Variants in GABRG3 observed in about 807,000 individuals in gnomAD.
GABRG3 encodes the protein gamma-aminobutyric acid receptor subunit gamma-3.
GABRG3 carries 25 observed loss-of-function variants against 48.8 expected under a neutral mutation model. The observed-to-expected ratio is 0.51, with a 90% CI of 0.37 to 0.72. The LOEUF is 0.72. GABRG3 is among the 30% of genes least tolerant of loss of function. The pLI is 0.00. For missense variants in GABRG3, 394 were observed against 577.9 expected, an observed-to-expected ratio of 0.68 and a Z score of 3.26; for synonymous variants, 227 against 217.6, an observed-to-expected ratio of 1.04 and a Z score of -0.38.
intron 5 of GABRG3, among the ~76,000 whole-genome samples, chr15:27,353,748 G>A (rs1244793268): frequency 2.0e-5 from 3 of 152,126 alleles, no homozygotes; most frequent in African/African-American, 4.8e-5. Context: ...CAGCCAGTAT[G>A]TGCGTAGTTT....
At chr15:27,417,871 C>T (rs1039783266) in intron 5 of GABRG3, among the ~76,000 whole-genome samples, 3 of 152,236 alleles carry the variant, frequency 2.0e-5, no homozygotes, top group Non-Finnish European at 4.4e-5. Context: ...AAAGCCATCT[C>T]TCCATCTCCT....
intron 3 of GABRG3, among the ~76,000 whole-genome samples, chr15:27,141,802 G>T (rs1361312044): frequency 3.3e-5 from 5 of 152,204 alleles, no homozygotes; most frequent in African/African-American, 1.2e-4. Flanking sequence ...GGACTACAGA[G>T]GAATTAGTCT....
chr15:27,126,716 G>A (rs1487296201), intron 3 of GABRG3, among the ~76,000 whole-genome samples: 1 of 152,226 alleles, frequency 6.6e-6, no homozygotes, highest in Admixed American at 6.5e-5. Flanking sequence ...CAATAATGCT[G>A]TTGTTTGAGG....
chr15:27,040,430 T>C (rs1399826965), intron 3 of GABRG3, among the ~76,000 whole-genome samples: 5 of 152,042 alleles, frequency 3.3e-5, no homozygotes, highest in African/African-American at 1.2e-4. Flanking sequence ...TTGGATGGGG[T>C]GGGGAAATAC....
chr15:27,488,740 T>C (rs1432927589), intron 6 of GABRG3, among the ~76,000 whole-genome samples: 1 of 152,210 alleles, frequency 6.6e-6, no homozygotes, highest in African/African-American at 2.4e-5. Context: ...AATATTTAGT[T>C]GTCATCTTAG....
chr15:27,521,492 T>C (rs1272280739), intron 7 of GABRG3, among the ~76,000 whole-genome samples: 1 of 152,026 alleles, frequency 6.6e-6, no homozygotes, highest in Non-Finnish European at 1.5e-5. Context: ...TATTAGACAT[T>C]CTAAGATGTA....
At chr15:27,309,200 CAT>C (rs992509909) in intron 3 of GABRG3, among the ~76,000 whole-genome samples, 35 of 133,130 alleles carry the variant, frequency 2.6e-4, no homozygotes, top group African/African-American at 7.1e-4. Context: ...ATAATGTAAA[CAT>C]AGATGTTTGT....
chr15:27,108,447 T>C (rs1009014456), intron 3 of GABRG3, among the ~76,000 whole-genome samples: 2 of 152,168 alleles, frequency 1.3e-5, no homozygotes, highest in Non-Finnish European at 2.9e-5. Context: ...TGTTAAGATG[T>C]ACATTATGGT....
intron 3 of GABRG3, among the ~76,000 whole-genome samples, chr15:27,249,592 C>T (rs1039880110): frequency 6.6e-6 from 1 of 152,192 alleles, no homozygotes; most frequent in Non-Finnish European, 1.5e-5. Flanking sequence ...GTTTTCTTGG[C>T]CCCTGGTTGA....
intron 3 of GABRG3, among the ~76,000 whole-genome samples, chr15:27,171,275 A>C (rs1228346783): frequency 6.6e-6 from 1 of 152,198 alleles, no homozygotes; most frequent in Non-Finnish European, 1.5e-5. Context: ...GAATATCTGC[A>C]TCAAATTTTT....
intron 3 of GABRG3, among the ~76,000 whole-genome samples, chr15:27,307,804 C>T (rs1486345532): frequency 9.2e-6 from 1 of 108,660 alleles, no homozygotes; most frequent in African/African-American, 4.2e-5. Flanking sequence ...ATAAAATAAA[C>T]ATAAACATAT....
chr15:27,156,933 C>T (rs1645149087), intron 3 of GABRG3, among the ~76,000 whole-genome samples: 1 of 152,186 alleles, frequency 6.6e-6, no homozygotes, highest in South Asian at 2.1e-4. Flanking sequence ...CAAGTCATTT[C>T]TTCCCATCAT....
intron 5 of GABRG3, among the ~76,000 whole-genome samples, chr15:27,376,715 T>G (rs1895608675): frequency 6.6e-6 from 1 of 152,114 alleles, no homozygotes; most frequent in South Asian, 2.1e-4. Context: ...CACAGGGACC[T>G]TGAGCACAGC....
intron 5 of GABRG3, among the ~76,000 whole-genome samples, chr15:27,367,867 A>G (rs1403402797): frequency 6.6e-6 from 1 of 152,190 alleles, no homozygotes; most frequent in African/African-American, 2.4e-5. Context: ...GAGAAGACAA[A>G]TTGGACCACT....
chr15:27,442,347 G>A (rs1468226495), intron 5 of GABRG3, among the ~76,000 whole-genome samples: 1 of 152,252 alleles, frequency 6.6e-6, no homozygotes, highest in East Asian at 1.9e-4. Flanking sequence ...CACAGCCTCA[G>A]GAAGATGGGC....
intron 5 of GABRG3, among the ~76,000 whole-genome samples, chr15:27,351,708 G>T (rs868066972): frequency 6.1e-5 from 9 of 148,688 alleles, no homozygotes; most frequent in Non-Finnish European, 4.5e-5. Context: ...TGTGTATGGG[G>T]TATTTGTGTG....
chr15:27,516,915 GT>G (rs1329403855), intron 6 of GABRG3, among the ~76,000 whole-genome samples: 3 of 152,232 alleles, frequency 2.0e-5, no homozygotes, highest in African/African-American at 7.2e-5. Flanking sequence ...GAAATAACAA[GT>G]TTCAGGTCCT....
At chr15:27,255,896 A>AC (rs1890596198) in intron 3 of GABRG3, among the ~76,000 whole-genome samples, 1 of 150,222 alleles carries the variant, frequency 6.7e-6, no homozygotes, top group Non-Finnish European at 1.5e-5. Context: ...GTGTTTAGTG[A>AC]CTTTTTACCC....
intron 3 of GABRG3, among the ~76,000 whole-genome samples, chr15:27,247,324 C>T (rs1890300201): frequency 6.6e-6 from 1 of 152,142 alleles, no homozygotes; most frequent in Non-Finnish European, 1.5e-5. Flanking sequence ...GCTCCTGCCA[C>T]TCTCTTCCAG....
Sources: allele counts gnomAD v4.1 joint callset (sites outside exome capture counted in the v4.1 genomes callset), GRCh38; gene constraint gnomAD v4.1.1; transcripts MANE v1.5; gene names NCBI Gene and HGNC (gene_info 2026-07-23, HGNC 2026-07-21).